Variants in ADAMTSL1 observed in about 807,000 individuals in gnomAD.
The protein encoded by ADAMTSL1 is ADAMTS like 1, also known as ADAMTS-like protein 1.
Under a neutral mutation model 201.8 loss-of-function variants are expected in ADAMTSL1, and 126 were observed. The ratio of observed to expected loss-of-function variants is 0.62; its 90% CI spans 0.54 to 0.72. The LOEUF (loss-of-function observed/expected upper bound fraction) is 0.72. Ranked by LOEUF, ADAMTSL1 falls within the 30% of genes least tolerant of loss-of-function variation. The pLI, the probability that ADAMTSL1 is intolerant of heterozygous loss-of-function variation, is 0.00. For synonymous variants in ADAMTSL1, 1,121 were observed against 903.4 expected (o/e 1.24, Z -4.32); for missense variants, 2,679 against 2,277.8 (o/e 1.18, Z -3.59).
chr9:18,403,792 A>G (rs1410545497), intron 2 of ADAMTSL1, among the ~76,000 whole-genome samples: 1 of 152,040 alleles, frequency 6.6e-6, no homozygotes, highest in African/African-American at 2.4e-5. Flanking sequence ...CTGAAATTTT[A>G]CTTTCTTTAT....
At position 18,777,845 on chromosome 9, in the gene ADAMTSL1, G is replaced by A. The variant is rs1019877693; in HGVS notation, c.3616G>A (p.Gly1206Ser). The A allele has an allele frequency of 2.4e-5, 38 of 1,591,410 alleles. No homozygotes were observed. The highest frequency in any genetic ancestry group is 3.2e-5 in the Non-Finnish European group (37 of 1,164,682). The change falls in exon 19 of 29, where the codon GGC becomes AGC. Residue 1206 changes from glycine to serine, a missense_variant. By Grantham distance (56) the Gly-to-Ser change is moderately conservative. Coordinates refer to ENST00000380548, the MANE Select transcript of ADAMTSL1 (RefSeq NM_001040272.6). The stretch of plus-strand genomic sequence containing the variant: ...TGTTCTTCTGCACTGTGAGGCCATC[G>A]GCCACCCAAGGCCTACCATCAGCTG... ...LSVLLHCEAI[G>S]HPRPTISWAR...
intron 1 of ADAMTSL1, among the ~76,000 whole-genome samples, chr9:18,035,358 C>T (rs951917612): frequency 6.6e-6 from 1 of 152,166 alleles, no homozygotes; most frequent in Non-Finnish European, 1.5e-5. Flanking sequence ...CTATCGTTTT[C>T]TCTTGGCAGC....
At chr9:18,797,205 G>A (rs74393430) in intron 20 of ADAMTSL1, among the ~76,000 whole-genome samples, 1,526 of 152,294 alleles carry the variant, frequency 0.01, 23 homozygotes, top group African/African-American at 0.031. Context: ...CAGGGCATAG[G>A]GAGCTGCATC....
Position 18,677,049 on chromosome 9 carries a change from C to G in ADAMTSL1, c.1136+1142C>G, listed in dbSNP as rs554365658. Among the ~76,000 whole-genome samples, 3 of 152,110 alleles carry G rather than the reference C, an allele frequency of 2.0e-5. No individual in the cohort carries two copies. The East Asian group carries it at 5.8e-4, about 29-fold the overall frequency. On this transcript the variant is annotated intron_variant, in intron 10 of 28. Transcript: ENST00000380548. ...TGTATTCACACATGTATATACACATCTATCGATGTTTATATAATACATATA... is the reference window on the plus strand; with the variant it reads ...TGTATTCACACATGTATATACACATGTATCGATGTTTATATAATACATATA...
chr9:18,797,195 C>G (rs1421373109), intron 20 of ADAMTSL1, among the ~76,000 whole-genome samples: 1 of 152,164 alleles, frequency 6.6e-6, no homozygotes, highest in Non-Finnish European at 1.5e-5. Flanking sequence ...ACACCACACC[C>G]AGGGCATAGG....
chr9:18,033,751 C>T (rs755492189), intron 1 of ADAMTSL1, among the ~76,000 whole-genome samples: 1 of 152,212 alleles, frequency 6.6e-6, no homozygotes, highest in Non-Finnish European at 1.5e-5. Flanking sequence ...TATACTCATA[C>T]TATAATCAGC....
At chr9:17,942,462 G>A (rs550756976) in intron 1 of ADAMTSL1, among the ~76,000 whole-genome samples, 13 of 152,252 alleles carry the variant, frequency 8.5e-5, no homozygotes, top group African/African-American at 2.6e-4. Context: ...AGCATCAAAC[G>A]CTTGAAGCTT....
chr9:18,420,277 A>T (rs1038166601), intron 2 of ADAMTSL1, among the ~76,000 whole-genome samples: 3 of 152,182 alleles, frequency 2.0e-5, no homozygotes, highest in Non-Finnish European at 4.4e-5. Context: ...AGTCTGTTAC[A>T]GTTATCCATA....
At chr9:18,382,902 G>A (rs1837619013) in intron 2 of ADAMTSL1, among the ~76,000 whole-genome samples, 1 of 152,164 alleles carries the variant, frequency 6.6e-6, no homozygotes, top group African/African-American at 2.4e-5. Context: ...CCAAATTGAA[G>A]GATGACAAAT....
chr9:18,731,826 G>T (rs1353485442), intron 15 of ADAMTSL1, among the ~76,000 whole-genome samples: 1 of 152,072 alleles, frequency 6.6e-6, no homozygotes, highest in Non-Finnish European at 1.5e-5. Context: ...TAAATGACCA[G>T]ATATCACAAG....
At chr9:18,233,984 T>C (rs1464144287) in intron 2 of ADAMTSL1, among the ~76,000 whole-genome samples, 1 of 152,208 alleles carries the variant, frequency 6.6e-6, no homozygotes, top group East Asian at 1.9e-4. Flanking sequence ...CTGGCCAACA[T>C]GTGAGCACTT....
At chr9:18,105,051 A>T (rs548266408) in intron 1 of ADAMTSL1, among the ~76,000 whole-genome samples, 1 of 152,326 alleles carries the variant, frequency 6.6e-6, no homozygotes, top group South Asian at 2.1e-4. Flanking sequence ...CTCTAAAAAT[A>T]ATCCATGGGA....
Position 18,622,231 on chromosome 9 carries a change from C to G in ADAMTSL1, c.475-12C>G. 6.2e-7 allele frequency: 1 copy of G among 1,613,162 alleles called. No homozygotes were observed. Among genetic ancestry groups the G allele is most frequent in the Non-Finnish European group, 8.5e-7 (1 of 1,179,542 alleles). ...GTGCTTGGTTGAATTACACATCTCT[C>G]TTTCTTGTTAGATTGTTGGCTGCGA... is the stretch of plus-strand genomic sequence containing the variant. On this transcript the variant is annotated splice_polypyrimidine_tract_variant and intron_variant, in intron 4 of 28. Coordinates refer to ENST00000380548, the MANE Select transcript of ADAMTSL1 (RefSeq NM_001040272.6).
At chr9:18,567,229 C>T (rs1821963933) in intron 3 of ADAMTSL1, among the ~76,000 whole-genome samples, 1 of 152,116 alleles carries the variant, frequency 6.6e-6, no homozygotes, top group African/African-American at 2.4e-5. Context: ...CTTTGGGAGG[C>T]TGAGGCAGGT....
At chr9:18,880,023 A>G (rs1338018888) in intron 23 of ADAMTSL1, among the ~76,000 whole-genome samples, 1 of 152,234 alleles carries the variant, frequency 6.6e-6, no homozygotes, top group African/African-American at 2.4e-5. Flanking sequence ...TTCTTTGCTC[A>G]TCCGTAAAAA....
At chr9:17,996,332 T>G (rs1378530138) in intron 1 of ADAMTSL1, among the ~76,000 whole-genome samples, 2 of 152,060 alleles carry the variant, frequency 1.3e-5, no homozygotes, top group African/African-American at 4.8e-5. Context: ...TTTACTTCCT[T>G]GGCACACAAA....
chr9:18,167,391 C>G (rs1226162511), intron 2 of ADAMTSL1, among the ~76,000 whole-genome samples: 1 of 151,838 alleles, frequency 6.6e-6, no homozygotes, highest in Non-Finnish European at 1.5e-5. Context: ...CTTTGAATGA[C>G]TGGTAAAATA....
intron 1 of ADAMTSL1, among the ~76,000 whole-genome samples, chr9:18,111,619 A>G (rs904999615): frequency 1.3e-5 from 2 of 152,228 alleles, no homozygotes; most frequent in Non-Finnish European, 2.9e-5. Flanking sequence ...TATGCACAAG[A>G]CATTTTGGAG....
chr9:18,491,646 TAGA>T (rs950958209), intron 1 of ADAMTSL1, among the ~76,000 whole-genome samples: 13 of 152,214 alleles, frequency 8.5e-5, no homozygotes, highest in African/African-American at 3.1e-4. Context: ...ATTTATAAAT[TAGA>T]AGATGGTAGT....
Sources: gnomAD v4.1 joint callset for allele counts (sites outside exome capture counted in the v4.1 genomes callset) on GRCh38, gnomAD v4.1.1 for gene constraint, MANE v1.5 for transcripts, NCBI Gene and HGNC (gene_info 2026-07-23, HGNC 2026-07-21) for gene names.